The following PPP1R21 variants were observed in gnomAD, a reference collection of about 807,000 sequenced individuals.
The protein encoded by PPP1R21 is KLRAQ motif containing 1.
Under a neutral mutation model 112.8 loss-of-function variants are expected in PPP1R21, and 85 were observed. The observed-to-expected ratio is 0.75, with a 90% confidence interval of 0.63 to 0.90. The LOEUF is 0.90. PPP1R21 is among the 40% of genes least tolerant of loss of function. The pLI is 0.00. For missense variants in PPP1R21, 1,199 were observed against 901.5 expected, an observed-to-expected ratio of 1.33 and a Z score of -4.23; for synonymous variants, 381 against 322.3, an observed-to-expected ratio of 1.18 and a Z score of -1.95.
At chr2:48,490,664 A>T (rs1669521328) in intron 14 of PPP1R21, among the ~76,000 whole-genome samples, 1 of 152,230 alleles carries the variant, frequency 6.6e-6, no homozygotes, top group Admixed American at 6.5e-5. Flanking sequence ...GAATCTAGAA[A>T]TCCGAACATG....
At chr2:48,458,846 A>T (rs1414380998) in intron 4 of PPP1R21, among the ~76,000 whole-genome samples, 14 of 152,144 alleles carry the variant, frequency 9.2e-5, no homozygotes, top group Non-Finnish European at 4.4e-5. Flanking sequence ...TAATCCCAGC[A>T]CTTTGGGAGG....
intron 20 of PPP1R21, among the ~76,000 whole-genome samples, chr2:48,510,466 G>A (rs545209056): frequency 2.0e-5 from 3 of 152,246 alleles, no homozygotes; most frequent in East Asian, 1.9e-4. Flanking sequence ...TGCATAAAAC[G>A]GATCTAAACT....
At chr2:48,444,709 A>G (rs55971719) in intron 1 of PPP1R21, among the ~76,000 whole-genome samples, 23,860 of 152,198 alleles carry the variant, frequency 0.16, 2,407 homozygotes, top group East Asian at 0.52. Context: ...CCCTGCACCT[A>G]TTGAATCTGA....
chr2:48,504,975 CAG>C (rs539183667), intron 17 of PPP1R21, among the ~76,000 whole-genome samples: 2 of 151,526 alleles, frequency 1.3e-5, no homozygotes, highest in South Asian at 2.1e-4. Flanking sequence ...GCCTGGGTGA[CAG>C]AGGGAGACCT....
intron 12 of PPP1R21, chr2:48,479,585 A>G (rs1486680193): frequency 2.0e-6 from 1 of 511,132 alleles, no homozygotes; most frequent in African/African-American, 1.9e-5. Flanking sequence ...TGTTCAGCAA[A>G]TAATGTGTAG....
At chr2:48,510,561 G>A (rs1256963843) in intron 20 of PPP1R21, among the ~76,000 whole-genome samples, 1 of 152,224 alleles carries the variant, frequency 6.6e-6, no homozygotes, top group Non-Finnish European at 1.5e-5. Context: ...ATAAAAACAT[G>A]ATGCCAGGCA....
At chr2:48,462,748 C>T (rs1446916867) in intron 7 of PPP1R21, among the ~76,000 whole-genome samples, 1 of 152,138 alleles carries the variant, frequency 6.6e-6, no homozygotes, top group African/African-American at 2.4e-5. Context: ...GTTTTTGAGC[C>T]AGGGAACATC....
At chr2:48,495,541 G>A (rs1000774879) in intron 15 of PPP1R21, 138 bp from the exon 16 acceptor site, 1 of 586,326 alleles carries the variant, frequency 1.7e-6, no homozygotes, top group South Asian at 2.2e-5. Context: ...GTTTTCACGT[G>A]TATTAAAGAA....
intron 17 of PPP1R21, among the ~76,000 whole-genome samples, chr2:48,504,052 G>A (rs1572895810): frequency 6.6e-6 from 1 of 152,072 alleles, no homozygotes; most frequent in Non-Finnish European, 1.5e-5. Flanking sequence ...GGAGTAAGGG[G>A]GTGAGGATGA....
chr2:48,441,347 C>T lies in PPP1R21; in HGVS notation c.57+337C>T, dbSNP rs1031173664. 7.9e-6 allele frequency: 3 copies of T among 380,934 alleles called. No individual in the cohort carries two copies. The South Asian group carries it at 8.4e-5, about 11-fold the overall frequency. The allele number at this position is 380,934 out of a possible 1,614,324, so 23.6% of individuals were successfully genotyped here. ...GAAGGGAAGGGAAAGGTGTGGACCA[C>T]TCCTCACCTCGCTGCTTCCTCAATT... On this transcript the variant is annotated intron_variant, in intron 1 of 21. Coordinates refer to ENST00000294952, the MANE Select transcript of PPP1R21 (RefSeq NM_001135629.3).
intron 20 of PPP1R21, among the ~76,000 whole-genome samples, chr2:48,510,899 T>G (rs78619716): frequency 1.3e-5 from 2 of 152,238 alleles, no homozygotes; most frequent in African/African-American, 2.4e-5. Context: ...AAAGAAATTA[T>G]GAATCTACTT....
intron 1 of PPP1R21, among the ~76,000 whole-genome samples, chr2:48,447,630 C>T (rs1325139494): frequency 6.6e-6 from 1 of 152,078 alleles, no homozygotes; most frequent in Non-Finnish European, 1.5e-5. Flanking sequence ...GTGGTGAATA[C>T]TGGTGCAGAG....
intron 1 of PPP1R21, among the ~76,000 whole-genome samples, chr2:48,442,652 G>T (rs1667085707): frequency 6.6e-6 from 1 of 152,190 alleles, no homozygotes. Flanking sequence ...GACTACCGAA[G>T]ACATTGGATA....
chr2:48,503,450 C>G (rs528834665), intron 17 of PPP1R21, among the ~76,000 whole-genome samples: 1 of 152,048 alleles, frequency 6.6e-6, no homozygotes. Context: ...TAAATAATGT[C>G]TCATTTTTAT....
intron 1 of PPP1R21, among the ~76,000 whole-genome samples, chr2:48,446,209 C>G (rs530023148): frequency 6.6e-6 from 1 of 152,300 alleles, no homozygotes; most frequent in Admixed American, 6.5e-5. Flanking sequence ...TCACTTTCCC[C>G]AAAAACTCTT....
At chr2:48,491,361 C>T (rs1478443792) in intron 15 of PPP1R21, among the ~76,000 whole-genome samples, 191 bp downstream of exon 15, 3 of 152,042 alleles carry the variant, frequency 2.0e-5, no homozygotes, top group Non-Finnish European at 4.4e-5. Flanking sequence ...TGAGAAGCAG[C>T]GTTGCCTATA....
intron 16 of PPP1R21, among the ~76,000 whole-genome samples, chr2:48,496,225 AT>A (rs1025380759): frequency 3.9e-5 from 6 of 152,050 alleles, no homozygotes; most frequent in Non-Finnish European, 5.9e-5. Flanking sequence ...GAAAAAAAAA[AT>A]ATGTATATAT....
chr2:48,508,627 CATT>C (rs1670493233), intron 19 of PPP1R21, among the ~76,000 whole-genome samples: 1 of 152,176 alleles, frequency 6.6e-6, no homozygotes, highest in Admixed American at 6.5e-5. Flanking sequence ...CATGGATCCT[CATT>C]GTTTGGTTCT....
In PPP1R21 at chr2:48,514,700, T is replaced by C; in HGVS notation, c.2314-15T>C. On this transcript the variant is annotated splice_polypyrimidine_tract_variant and intron_variant, in intron 21 of 21. Transcript: ENST00000294952. The stretch of plus-strand genomic sequence containing the variant: ...TATGTTTATGTTCTTATTGTTGATA[T>C]TTTTCTTTGCACAGGGGAATTCTAA... 1 of 1,572,044 alleles carries C rather than the reference T, an allele frequency of 6.4e-7. No homozygotes were observed. The highest frequency in any genetic ancestry group is 8.7e-7 in the Non-Finnish European group (1 of 1,143,388).
Sources: gnomAD v4.1 joint callset for allele counts (sites outside exome capture counted in the v4.1 genomes callset) on GRCh38, gnomAD v4.1.1 for gene constraint, MANE v1.5 for transcripts, NCBI Gene and HGNC (gene_info 2026-07-23, HGNC 2026-07-21) for gene names.